Variants in FAM133B observed in about 807,000 individuals in gnomAD.
The protein encoded by FAM133B is protein FAM133B.
FAM133B carries 25 observed loss-of-function variants against 46.4 expected under a neutral mutation model. The ratio of observed to expected loss-of-function variants is 0.54; its 90% CI spans 0.39 to 0.75. The LOEUF (loss-of-function observed/expected upper bound fraction) is 0.75, where lower values mean the gene tolerates loss of function less well. Among genes scored for constraint, FAM133B ranks in the 30% least tolerant of loss-of-function variants. The pLI, the probability that FAM133B is intolerant of heterozygous loss-of-function variation, is 0.00. For missense variants in FAM133B, 205 were observed against 277.6 expected, an observed-to-expected ratio of 0.74 and a Z score of 1.86; for synonymous variants, 75 against 86.0, an observed-to-expected ratio of 0.87 and a Z score of 0.71.
chr7:92,563,793 A>C lies in FAM133B; in HGVS notation c.658-1425T>G, dbSNP rs1164191992. Among the ~76,000 whole-genome samples, 3 of 152,198 alleles carry C rather than the reference A, an allele frequency of 2.0e-5. No individual in the cohort carries two copies. In the South Asian group the frequency reaches 6.2e-4, roughly 31 times the overall value. On this transcript the variant is annotated intron_variant, in intron 10 of 10. Coordinates refer to ENST00000445716, the MANE Select transcript of FAM133B (RefSeq NM_152789.4). ...TTGCTTAGGTCAAAGAATCTAAGCTATCTCTGATTCTGCTCTTTAACTCCA... is the reference window on the plus strand; with the variant it reads ...TTGCTTAGGTCAAAGAATCTAAGCTCTCTCTGATTCTGCTCTTTAACTCCA...
intron 1 of FAM133B, among the ~76,000 whole-genome samples, chr7:92,584,785 T>C (rs924040377): frequency 3.9e-5 from 6 of 152,202 alleles, no homozygotes; most frequent in Admixed American, 6.5e-5. Context: ...ATGTGCAGCT[T>C]AGTTCACCGT....
intron 1 of FAM133B, among the ~76,000 whole-genome samples, chr7:92,584,716 T>C (rs1019480459): frequency 6.6e-6 from 1 of 152,230 alleles, no homozygotes; most frequent in Non-Finnish European, 1.5e-5. Context: ...TTTCGATTAG[T>C]TGGTGTGGAA....
intron 9 of FAM133B, among the ~76,000 whole-genome samples, chr7:92,568,895 A>G (rs1301173537): frequency 6.6e-6 from 1 of 152,140 alleles, no homozygotes; most frequent in Non-Finnish European, 1.5e-5. Context: ...AGACATTGCT[A>G]TAAAATGGGG....
intron 1 of FAM133B, among the ~76,000 whole-genome samples, chr7:92,587,970 A>G (rs1182698579): frequency 6.6e-6 from 1 of 152,150 alleles, no homozygotes. Flanking sequence ...AAAACTAAAA[A>G]TGCTTAAAAA....
intron 6 of FAM133B, 86 bp downstream of exon 6, chr7:92,577,569 C>A: frequency 8.6e-7 from 1 of 1,162,140 alleles, no homozygotes; most frequent in Non-Finnish European, 1.2e-6. Flanking sequence ...GTCAACATTT[C>A]TAACAGATAT....
intron 10 of FAM133B, among the ~76,000 whole-genome samples, chr7:92,562,868 T>C (rs1380515660): frequency 6.6e-6 from 1 of 152,210 alleles, no homozygotes; most frequent in Non-Finnish European, 1.5e-5. Flanking sequence ...AATTATTAAA[T>C]TATTAAATTA....
At chr7:92,577,609 G>T in intron 6 of FAM133B, 46 bp downstream of exon 6, 1 of 1,454,860 alleles carries the variant, frequency 6.9e-7, no homozygotes, top group Non-Finnish European at 9.3e-7. Context: ...TGACATTAAA[G>T]AAATTAAGAG....
intron 5 of FAM133B, 170 bp from the exon 6 acceptor site, chr7:92,577,887 C>G (rs1562894683): frequency 8.9e-6 from 6 of 673,840 alleles, no homozygotes; most frequent in Non-Finnish European, 1.5e-5. Flanking sequence ...TGTACAAAAG[C>G]TCAACAAGTT....
intron 8 of FAM133B, among the ~76,000 whole-genome samples, chr7:92,570,202 T>C (rs760101756): frequency 6.6e-6 from 1 of 152,138 alleles, no homozygotes; most frequent in Non-Finnish European, 1.5e-5. Context: ...GCAGATAATG[T>C]AAGATTTGGT....
chr7:92,579,532 T>G, intron 2 of FAM133B, 137 bp from the exon 3 acceptor site: 1 of 626,104 alleles, frequency 1.6e-6, no homozygotes, highest in Non-Finnish European at 2.7e-6. Context: ...CATTTCAATT[T>G]CTTTGTTCAC....
intron 1 of FAM133B, among the ~76,000 whole-genome samples, chr7:92,589,528 G>A (rs532476445): frequency 6.6e-6 from 1 of 152,288 alleles, no homozygotes; most frequent in South Asian, 2.1e-4. Flanking sequence ...TAAGGTTGTA[G>A]ATAATAATGA....
At chr7:92,579,277 C>T in intron 3 of FAM133B, 40 bp downstream of exon 3, 1 of 1,559,704 alleles carries the variant, frequency 6.4e-7, no homozygotes, top group Non-Finnish European at 8.7e-7. Flanking sequence ...CCATAACTGG[C>T]CAAATTAGTC....
intron 1 of FAM133B, among the ~76,000 whole-genome samples, chr7:92,583,568 A>G (rs1794950191): frequency 6.6e-6 from 1 of 152,160 alleles, no homozygotes; most frequent in Non-Finnish European, 1.5e-5. Context: ...TCAAAAACAT[A>G]TTGAGGCAAA....
intron 8 of FAM133B, among the ~76,000 whole-genome samples, chr7:92,570,378 T>C (rs1794491145): frequency 6.6e-6 from 1 of 152,066 alleles, no homozygotes; most frequent in South Asian, 2.1e-4. Flanking sequence ...TTTAAAAAAA[T>C]CTTAACCTCT....
At chr7:92,580,298 T>G (rs1458794529) in intron 2 of FAM133B, among the ~76,000 whole-genome samples, 3 of 151,690 alleles carry the variant, frequency 2.0e-5, no homozygotes, top group African/African-American at 7.3e-5. Flanking sequence ...TCTTGCTACG[T>G]TGCCCAGGCT....
At chr7:92,571,190 CT>C (rs766837110) in intron 8 of FAM133B, among the ~76,000 whole-genome samples, 28 of 152,190 alleles carry the variant, frequency 1.8e-4, no homozygotes, top group Non-Finnish European at 3.5e-4. Flanking sequence ...AAATGATCAT[CT>C]TTTTCTCCCA....
intron 7 of FAM133B, 99 bp downstream of exon 7, chr7:92,577,004 A>C: frequency 1.6e-6 from 1 of 628,474 alleles, no homozygotes; most frequent in Non-Finnish European, 2.5e-6. Flanking sequence ...CAAAGTACAA[A>C]TATCAGACTA....
At chr7:92,577,528 TA>T in intron 6 of FAM133B, 126 bp downstream of exon 6, 1 of 692,596 alleles carries the variant, frequency 1.4e-6, no homozygotes, top group Non-Finnish European at 2.2e-6. Context: ...GTTAGTCCTC[TA>T]AGTTATGGAT....
chr7:92,586,097 C>T lies in FAM133B; in HGVS notation c.24+4171G>A, dbSNP rs557640978. Reference sequence around the variant, plus strand: ...TCATAAAGTACATACCAACCTATTCCTACTTTTCAGAGGAAAATGCTAGTA... The same window carrying T: ...TCATAAAGTACATACCAACCTATTCTTACTTTTCAGAGGAAAATGCTAGTA... On this transcript the variant is annotated intron_variant, in intron 1 of 10. Coordinates refer to ENST00000445716, the MANE Select transcript of FAM133B (RefSeq NM_152789.4). 1.1e-4 allele frequency among the ~76,000 whole-genome samples: 17 copies of T among 152,260 alleles called. No homozygotes were observed. In the East Asian group the frequency reaches 2.3e-3, roughly 21 times the overall value.
Sources: gnomAD v4.1 joint callset for allele counts (sites outside exome capture counted in the v4.1 genomes callset) on GRCh38, gnomAD v4.1.1 for gene constraint, MANE v1.5 for transcripts, NCBI Gene and HGNC (gene_info 2026-07-23, HGNC 2026-07-21) for gene names.